ECHDC1: variants seen among roughly 807,000 people sequenced by gnomAD.
ECHDC1 encodes ethylmalonyl-CoA decarboxylase.
A neutral mutation model predicts 29.7 loss-of-function variants in ECHDC1; 29 were observed. The observed-to-expected ratio is 0.98, with a 90% CI of 0.73 to 1.33. The LOEUF (loss-of-function observed/expected upper bound fraction) is 1.33, where lower values mean the gene tolerates loss of function less well. Among genes scored for constraint, ECHDC1 ranks in the 40% most tolerant of loss-of-function variants. The pLI is 0.00. For synonymous variants in ECHDC1, 126 were observed against 123.1 expected (o/e 1.02, Z -0.15); for missense variants, 328 against 350.0 (o/e 0.94, Z 0.50).
chr6:127,316,163 C>G (rs1166401995), intron 4 of ECHDC1: 6 of 465,778 alleles, frequency 1.3e-5, no homozygotes, highest in African/African-American at 1.0e-4. Context: ...CAGTATTTAA[C>G]TTTCCCAGTA....
At chr6:127,303,561 G>A (rs961020699) in intron 5 of ECHDC1, among the ~76,000 whole-genome samples, 1 of 152,164 alleles carries the variant, frequency 6.6e-6, no homozygotes, top group African/African-American at 2.4e-5. Flanking sequence ...AGCTGCAGAA[G>A]AAAAATCTGA....
At chr6:127,321,572 T>A (rs1249377067) in intron 3 of ECHDC1, among the ~76,000 whole-genome samples, 1 of 152,250 alleles carries the variant, frequency 6.6e-6, no homozygotes. Flanking sequence ...ATACTTTATA[T>A]GTATTGTTAC....
chr6:127,314,182 T>C (rs539027616), intron 5 of ECHDC1, among the ~76,000 whole-genome samples: 3 of 152,356 alleles, frequency 2.0e-5, no homozygotes, highest in Middle Eastern at 3.4e-3. Flanking sequence ...GCTGTGTTAG[T>C]AGGCCTTGGG....
intron 3 of ECHDC1, among the ~76,000 whole-genome samples, chr6:127,320,860 A>C (rs1421119202): frequency 6.6e-6 from 1 of 152,128 alleles, no homozygotes; most frequent in Admixed American, 6.5e-5. Context: ...AAGCATACCA[A>C]GACGCGATCA....
chr6:127,320,838 G>A (rs1374193385), intron 3 of ECHDC1, among the ~76,000 whole-genome samples: 2 of 151,928 alleles, frequency 1.3e-5, no homozygotes, highest in Admixed American at 6.5e-5. Flanking sequence ...CTCTTTTCCT[G>A]CACAATAACC....
intron 5 of ECHDC1, among the ~76,000 whole-genome samples, chr6:127,300,021 T>C (rs1471281144): frequency 6.6e-6 from 1 of 152,190 alleles, no homozygotes; most frequent in Non-Finnish European, 1.5e-5. Flanking sequence ...AGCTGCACCC[T>C]AGATGGTATC....
rs998913914 is a variant in ECHDC1, at chr6:127,313,457, C to T, written c.497+1359G>A. ...ACCTCAGGTGATCTGCCTATTTCAG[C>T]CCCCCAAAATGCTGGGATAACAGGC... is the stretch of plus-strand genomic sequence containing the variant. On this transcript the variant is annotated intron_variant, in intron 5 of 5. Transcript: ENST00000454859. 24 of 391,022 alleles carry T rather than the reference C, an allele frequency of 6.1e-5. No homozygotes were observed. In the East Asian group the frequency reaches 7.4e-4, roughly 12 times the overall value. The allele number at this position is 391,022 out of a possible 1,614,324, so 24.2% of individuals were successfully genotyped here. A position where few individuals can be genotyped will look rare whatever the true frequency, so the allele number is the denominator to read the frequency against.
At chr6:127,294,568 CTGCT>C (rs1780439427) in intron 5 of ECHDC1, 2 of 152,130 alleles carry the variant, frequency 1.3e-5, no homozygotes, top group Non-Finnish European at 2.9e-5. Flanking sequence ...TGCAAACAGA[CTGCT>C]TGAGTAAGAA....
At chr6:127,315,584 G>C in intron 4 of ECHDC1, 1 of 238,824 alleles carries the variant, frequency 4.2e-6, no homozygotes, top group South Asian at 5.0e-5. Context: ...AAAGGTGCAG[G>C]TCTAAAGTAA....
rs550553390 is a variant in ECHDC1, at chr6:127,303,685, A to T, written c.497+11131T>A. Among the ~76,000 whole-genome samples, 28 of 152,334 alleles carry T rather than the reference A, an allele frequency of 1.8e-4. No individual in the cohort carries two copies. The East Asian group carries it at 5.0e-3, about 27-fold the overall frequency. On this transcript the variant is annotated intron_variant, in intron 5 of 5. Coordinates refer to ENST00000454859, the MANE Select transcript of ECHDC1 (RefSeq NM_001002030.2). ...GAAGCTGCAGCAAGTGATCCTGAAG[A>T]TCTAGCTAGGGTTATTGATGAAGGT...
chr6:127,290,128 T>A lies in ECHDC1; in HGVS notation c.647A>T (p.Asn216Ile). 1 of 1,613,744 alleles carries A rather than the reference T, an allele frequency of 6.2e-7. No homozygotes were observed. Among genetic ancestry groups the A allele is most frequent in the South Asian group, 1.1e-5 (1 of 91,062 alleles). ...TTCAACCATTCCTATGTTTAGAGCATTTTTTGAATCCAGTTTAAGGGCCCC... is the reference window on the plus strand; with the variant it reads ...TTCAACCATTCCTATGTTTAGAGCAATTTTTGAATCCAGTTTAAGGGCCCC... The part of the protein sequence containing the change: ...LSGALKLDSK[N>I]ALNIGMVEEV... Residue 216 changes from asparagine (N) to isoleucine (I), a missense_variant, in exon 6 of 6, where the codon AAT (asparagine) becomes ATT (isoleucine). By Grantham distance (149) the Asn-to-Ile change is moderately radical. Transcript: ENST00000454859.
intron 5 of ECHDC1, among the ~76,000 whole-genome samples, chr6:127,299,614 G>C (rs1225501832): frequency 1.3e-5 from 2 of 152,018 alleles, no homozygotes; most frequent in Admixed American, 1.3e-4. Context: ...AAATTAAAAA[G>C]CTTATATAGT....
At chr6:127,308,611 C>T (rs952948851) in intron 5 of ECHDC1, among the ~76,000 whole-genome samples, 6 of 152,094 alleles carry the variant, frequency 3.9e-5, no homozygotes, top group South Asian at 2.1e-4. Context: ...AGGATGCCTA[C>T]GTTCACAACT....
In ECHDC1 at chr6:127,290,134, G is replaced by T; in HGVS notation, c.641C>A (p.Ser214Ter). The change falls in exon 6 of 6, where the codon TCA becomes TAA. Residue 214 changes from serine (S) to a stop codon, truncating the protein, a stop_gained. Transcript: ENST00000454859. LOFTEE classifies it high-confidence loss of function. ...KVLSGALKLD[S>*]KNALNIGMVE... ...CATTCCTATGTTTAGAGCATTTTTT[G>T]AATCCAGTTTAAGGGCCCCACTCAA... 1.9e-6 allele frequency: 3 copies of T among 1,613,576 alleles called. No homozygotes were observed. Among genetic ancestry groups the T allele is most frequent in the South Asian group, 1.1e-5 (1 of 91,068 alleles).
intron 5 of ECHDC1, among the ~76,000 whole-genome samples, chr6:127,297,617 C>G (rs1027819887): frequency 7.2e-5 from 11 of 152,116 alleles, no homozygotes; most frequent in South Asian, 2.1e-4. Context: ...GAAAAAGGTT[C>G]CTCCCCTTTT....
chr6:127,331,774 G>A (rs1423357067), intron 1 of ECHDC1: 1 of 941,862 alleles, frequency 1.1e-6, no homozygotes, highest in East Asian at 1.2e-4. Context: ...ATGCAGAAAT[G>A]CTGCAAGAGC....
In ECHDC1 at chr6:127,330,860, C is replaced by T; in HGVS notation, c.169G>A (p.Gly57Ser). 6.2e-7 allele frequency: 1 copy of T among 1,614,098 alleles called. No homozygotes were observed. Among genetic ancestry groups the T allele is most frequent in the Non-Finnish European group, 8.5e-7 (1 of 1,180,016 alleles). The change falls in exon 2 of 6, where the codon GGC becomes AGC. Residue 57 changes from glycine to serine, a missense_variant. Physicochemically the swap from Gly to Ser is moderately conservative, Grantham distance 56. Coordinates refer to ENST00000454859, the MANE Select transcript of ECHDC1 (RefSeq NM_001002030.2). ...GSIDLQKEDN[G>S]IGILTLNNPS... ...TTGTTCAGAGTAAGAATGCCAATGC[C>T]ATTGTCTTCCTTCTGAAGGTCAATG... is the stretch of plus-strand genomic sequence containing the variant.
chr6:127,326,591 A>G, intron 3 of ECHDC1: 1 of 409,050 alleles, frequency 2.4e-6, no homozygotes, highest in South Asian at 2.0e-5. Flanking sequence ...ATTTAAAATT[A>G]TTCTAAAATT....
chr6:127,327,184 G>T, intron 2 of ECHDC1, 40 bp from the exon 3 acceptor site: 1 of 1,595,530 alleles, frequency 6.3e-7, no homozygotes, highest in East Asian at 2.2e-5. Context: ...ATATATGAAG[G>T]TGACTGGAAA....
Sources: gnomAD v4.1 joint callset for allele counts (sites outside exome capture counted in the v4.1 genomes callset) on GRCh38, gnomAD v4.1.1 for gene constraint, MANE v1.5 for transcripts, NCBI Gene and HGNC (gene_info 2026-07-23, HGNC 2026-07-21) for gene names.